The following B4GALNT4 variants were observed in gnomAD, a reference collection of about 807,000 sequenced individuals.
B4GALNT4 encodes the protein beta-1,4-N-acetyl-galactosaminyltransferase 4.
B4GALNT4 carries 77 observed loss-of-function variants against 110.0 expected under a neutral mutation model. The ratio of observed to expected loss-of-function variants is 0.70; its 90% CI spans 0.58 to 0.85. B4GALNT4 has a LOEUF of 0.85. Ranked by LOEUF, B4GALNT4 falls within the 40% of genes least tolerant of loss-of-function variation. The pLI, the probability that B4GALNT4 is intolerant of heterozygous loss-of-function variation, is 0.00. For missense variants in B4GALNT4, 1,575 were observed against 1,506.0 expected (o/e 1.05, Z -0.76); for synonymous variants, 785 against 655.5 (o/e 1.20, Z -3.02).
At chr11:373,416 CCCCA>C in intron 6 of B4GALNT4, 29 bp from the exon 7 acceptor site, 2 of 1,102,336 alleles carry the variant, frequency 1.8e-6, no homozygotes, top group Non-Finnish European at 2.6e-6. Flanking sequence ...GAACCCCCCC[CCCCA>C]CCACCACCCC....
chr11:376,995 C>A lies in B4GALNT4; in HGVS notation c.1872C>A (p.Pro624=). ...CAAACTTGTCCTCCGAAGCGCGGCC[C>A]GTGACCTCCTTCCTGAGCTTGTCCC... ...VDSNLSSEAR[P]VTSFLSLSQV... is the part of the protein sequence containing the mutation. Residue 624 remains proline, a synonymous_variant, in exon 14 of 20, where the codon CCC becomes CCA. Transcript: ENST00000329962. The A allele has an allele frequency of 6.9e-7, 1 of 1,454,366 alleles. No individual in the cohort carries two copies. Among genetic ancestry groups the A allele is most frequent in the South Asian group, 1.5e-5 (1 of 68,822 alleles). The allele number at this position is 1,454,366 out of a possible 1,614,324, so 90.1% of individuals were successfully genotyped here.
chr11:380,071 G>A, intron 16 of B4GALNT4, 52 bp downstream of exon 16: 2 of 1,597,424 alleles, frequency 1.3e-6, no homozygotes, highest in Admixed American at 3.4e-5. Flanking sequence ...TTCCTCCCCG[G>A]GAGATGGGTT....
chr11:369,954 G>A lies in B4GALNT4; in HGVS notation c.151G>A (p.Asp51Asn). 1.0e-6 allele frequency: 1 copy of A among 965,462 alleles called. No individual in the cohort carries two copies. The highest frequency in any genetic ancestry group is 1.2e-6 in the Non-Finnish European group (1 of 819,436). 59.8% of individuals were successfully genotyped at this position (965,462 alleles called of 1,614,324 possible). A position where few individuals can be genotyped will look rare whatever the true frequency, so the allele number is the denominator to read the frequency against. The change falls in exon 1 of 20, where the codon GAT becomes AAT. Residue 51 changes from aspartate (D) to asparagine (N), a missense_variant and splice_region_variant. Physicochemically the swap from Asp to Asn is conservative, Grantham distance 23 (BLOSUM62 1). Coordinates refer to ENST00000329962, the MANE Select transcript of B4GALNT4 (RefSeq NM_178537.5). ...ALRQRLGYGR[D>N]GEKLTSETDG... is the part of the protein sequence containing the mutation. ...GCGCCAGCGCCTGGGCTACGGGCGA[G>A]GTACGGCGCGGGGGGCGCGGGGGGC...
intron 14 of B4GALNT4, among the ~76,000 whole-genome samples, chr11:377,712 C>A (rs7483942): frequency 0.46 from 70,670 of 152,110 alleles, 17,201 homozygotes; most frequent in African/African-American, 0.61. Context: ...AGGCAGAGAC[C>A]CTTAGGGCAA....
At position 372,153 on chromosome 11, in the gene B4GALNT4, G is replaced by A. The variant is rs916966978; in HGVS notation, c.196G>A (p.Ala66Thr). 97 of 1,549,830 alleles carry A rather than the reference G, an allele frequency of 6.3e-5. No homozygotes were observed. The highest frequency in any genetic ancestry group is 3.4e-4 in the Middle Eastern group (2 of 5,874). ...TGAGACCGACGGCCGGGGGGTCCAC[G>A]CTGCGCCATCCACACAGAGGGCTGA... The part of the protein sequence containing the change: ...TSETDGRGVH[A>T]APSTQRAEDS... The change falls in exon 2 of 20, where the codon GCT becomes ACT. Residue 66 changes from alanine (A) to threonine (T), a missense_variant. By Grantham distance (58) the Ala-to-Thr change is moderately conservative. Transcript: ENST00000329962.
chr11:372,352 G>A, intron 2 of B4GALNT4, 140 bp downstream of exon 2: 1 of 795,524 alleles, frequency 1.3e-6, no homozygotes, highest in South Asian at 1.5e-5. Context: ...GCACGGCACA[G>A]CTTGTCTGTG....
At chr11:375,373 G>C (rs574040301) in intron 8 of B4GALNT4, 88 bp from the exon 9 acceptor site, 2 of 1,364,932 alleles carry the variant, frequency 1.5e-6, no homozygotes, top group Non-Finnish European at 2.1e-6. Flanking sequence ...GGTCCTATTA[G>C]TCCCCCGGCC....
In B4GALNT4 at chr11:381,703, C is replaced by A; in HGVS notation, c.3031C>A (p.Arg1011=). The part of the protein sequence containing the change: ...LQAGLEVERL[R]LRNFYHHYHS... Reference sequence around the variant, plus strand: ...GGCAGGGCTGGAGGTGGAGCGGCTCCGACTGCGGAATTTCTATCACCACTA... The same window carrying A: ...GGCAGGGCTGGAGGTGGAGCGGCTCAGACTGCGGAATTTCTATCACCACTA... The change falls in exon 20 of 20, where the codon CGA becomes AGA. Residue 1011 remains arginine, a synonymous_variant. Coordinates refer to ENST00000329962, the MANE Select transcript of B4GALNT4 (RefSeq NM_178537.5). The A allele has an allele frequency of 6.3e-7, 1 of 1,593,584 alleles. No individual in the cohort carries two copies.
At chr11:381,048 A>C (rs1006287778) in intron 19 of B4GALNT4, 97 bp downstream of exon 19, 20 of 1,509,312 alleles carry the variant, frequency 1.3e-5, no homozygotes, top group East Asian at 2.5e-5. Flanking sequence ...CGGCGCCCAC[A>C]TGCTGAGAGA....
chr11:372,746 C>A lies in B4GALNT4; in HGVS notation c.340C>A (p.Arg114=), dbSNP rs199567093. The part of the protein sequence containing the change: ...LNFTHQTPPW[R]EEYKGQVNLH... Reference sequence around the variant, plus strand: ...CTTCACCCATCAGACACCCCCATGGCGGGAGGAGGTGAGCTGGCTCGGCCT... The same window carrying A: ...CTTCACCCATCAGACACCCCCATGGAGGGAGGAGGTGAGCTGGCTCGGCCT... Residue 114 remains arginine, a synonymous_variant, in exon 3 of 20, where the codon CGG becomes AGG. Transcript: ENST00000329962. The A allele has an allele frequency of 7.5e-7, 1 of 1,330,086 alleles. No homozygotes were observed. Among genetic ancestry groups the A allele is most frequent in the Admixed American group, 2.3e-5 (1 of 42,680 alleles). 82.4% of individuals were successfully genotyped at this position (1,330,086 alleles called of 1,614,324 possible).
intron 8 of B4GALNT4, 23 bp from the exon 9 acceptor site, chr11:375,438 C>G (rs376769925): frequency 1.4e-5 from 23 of 1,610,810 alleles, no homozygotes; most frequent in Middle Eastern, 3.7e-4. Context: ...CTGTCCCTGA[C>G]CCCCACCCTC....
chr11:379,258 C>T (rs539715923), intron 14 of B4GALNT4, among the ~76,000 whole-genome samples, 160 bp from the exon 15 acceptor site: 1 of 152,230 alleles, frequency 6.6e-6, no homozygotes. Context: ...GAAGGTGGAC[C>T]TGCCTGCTGG....
At chr11:372,244 A>C (rs1318544818) in intron 2 of B4GALNT4, 32 bp downstream of exon 2, 1 of 1,540,552 alleles carries the variant, frequency 6.5e-7, no homozygotes, top group Non-Finnish European at 8.8e-7. Flanking sequence ...ACACGTGTGC[A>C]CGGAGACGAG....
chr11:381,098 G>A (rs1229057957), intron 19 of B4GALNT4, 147 bp downstream of exon 19: 4 of 1,452,812 alleles, frequency 2.8e-6, no homozygotes, highest in Non-Finnish European at 3.6e-6. Flanking sequence ...CTGTAGGCCT[G>A]GAGAGACTCC....
chr11:379,551 C>A lies in B4GALNT4; in HGVS notation c.2338C>A (p.Arg780=). 1 of 1,586,490 alleles carries A rather than the reference C, an allele frequency of 6.3e-7. No individual in the cohort carries two copies. Among genetic ancestry groups the A allele is most frequent in the East Asian group, 2.3e-5 (1 of 43,830 alleles). Residue 780 remains arginine, a synonymous_variant, in exon 15 of 20, where the codon CGG becomes AGG. Coordinates refer to ENST00000329962, the MANE Select transcript of B4GALNT4 (RefSeq NM_178537.5). The part of the protein sequence containing the change: ...RLRLSEYVFL[R]LPGARVGDAD... ...GCGACTGTCCGAGTACGTCTTCCTGCGGCTGCCGGGAGCCCGCGTAGGGGA... is the reference window on the plus strand; with the variant it reads ...GCGACTGTCCGAGTACGTCTTCCTGAGGCTGCCGGGAGCCCGCGTAGGGGA...
rs766439101 is a variant in B4GALNT4, at chr11:379,718, CG to C, written c.2488+21del. On this transcript the variant is annotated intron_variant, in intron 15 of 19. Coordinates refer to ENST00000329962, the MANE Select transcript of B4GALNT4 (RefSeq NM_178537.5). ...TCGTGCCAGGTTCGCAGGGCGGGCT[CG>C]GGGTGTCCGGGAGACCTCGTGGAAG... 6.7e-7 allele frequency: 1 copy of C among 1,500,804 alleles called. No homozygotes were observed. The highest frequency in any genetic ancestry group is 8.9e-7 in the Non-Finnish European group (1 of 1,128,034). 93.0% of individuals were successfully genotyped at this position (1,500,804 alleles called of 1,614,324 possible).
rs771786363 is a variant in B4GALNT4, at chr11:372,923, C to T, written c.420C>T (p.Asn140=). ...GCGCCGTGGGCCACCTGAGGAGGAA[C>T]CTGCACTTCCCGCTGTTCCCTCATG... ...CGGAVGHLRR[N]LHFPLFPHTR... Residue 140 remains asparagine, a synonymous_variant, in exon 4 of 20, where the codon AAC becomes AAT. Transcript: ENST00000329962. The T allele has an allele frequency of 4.3e-6, 7 of 1,612,192 alleles. No homozygotes were observed. The Admixed American group carries it at 1.0e-4, about 23-fold the overall frequency.
Position 376,145 on chromosome 11 carries a change from C to T in B4GALNT4, c.1167C>T (p.Phe389=). The change falls in exon 12 of 20, where the codon TTC becomes TTT. Residue 389 remains phenylalanine, a synonymous_variant. Coordinates refer to ENST00000329962, the MANE Select transcript of B4GALNT4 (RefSeq NM_178537.5). ...LTHMETDNKC[F]YRESPLYLER... ...ACATGGAGACGGACAACAAGTGCTT[C>T]TACCGCGAGTCTCCGCTGTATCTGG... The T allele has an allele frequency of 1.2e-6, 2 of 1,610,314 alleles. No individual in the cohort carries two copies. Among genetic ancestry groups the T allele is most frequent in the African/African-American group, 2.7e-5 (2 of 74,694 alleles).
chr11:377,745 C>T (rs1452127895), intron 14 of B4GALNT4, among the ~76,000 whole-genome samples: 1 of 152,254 alleles, frequency 6.6e-6, no homozygotes, highest in African/African-American at 2.4e-5. Context: ...CTGGGCCCCT[C>T]CTCCTCTCCC....
Sources: gnomAD v4.1 joint callset for allele counts (sites outside exome capture counted in the v4.1 genomes callset) on GRCh38, gnomAD v4.1.1 for gene constraint, MANE v1.5 for transcripts, NCBI Gene and HGNC (gene_info 2026-07-23, HGNC 2026-07-21) for gene names.